MRPL13: variants seen among roughly 807,000 people sequenced by gnomAD.
MRPL13 encodes the protein large ribosomal subunit protein uL13m.
MRPL13 carries 33 observed loss-of-function variants against 29.0 expected under a neutral mutation model. The observed-to-expected ratio is 1.14, with a 90% CI of 0.86 to 1.52. The LOEUF (loss-of-function observed/expected upper bound fraction) is 1.52, where lower values mean the gene tolerates loss of function less well. MRPL13 is among the 40% of genes most tolerant of loss of function. The probability of loss-of-function intolerance (pLI) is 0.00; values close to 1 mark genes in which losing one functional copy is unlikely to be tolerated. For missense variants in MRPL13, 227 were observed against 216.7 expected, an observed-to-expected ratio of 1.05 and a Z score of -0.30; for synonymous variants, 77 against 68.4, an observed-to-expected ratio of 1.13 and a Z score of -0.62.
intron 2 of MRPL13, among the ~76,000 whole-genome samples, chr8:120,435,809 T>C (rs555615820): frequency 7.1e-4 from 108 of 152,318 alleles, no homozygotes; most frequent in African/African-American, 2.4e-3. Context: ...GACCTTTTAA[T>C]GATAGCCATT....
At chr8:120,424,434 C>T (rs974779937) in intron 4 of MRPL13, among the ~76,000 whole-genome samples, 20 of 152,078 alleles carry the variant, frequency 1.3e-4, no homozygotes, top group African/African-American at 4.3e-4. Flanking sequence ...CCAGCCTGGG[C>T]AACATAGCAA....
At chr8:120,436,588 A>C (rs1813057824) in intron 2 of MRPL13, among the ~76,000 whole-genome samples, 2 of 152,060 alleles carry the variant, frequency 1.3e-5, no homozygotes, top group Non-Finnish European at 2.9e-5. Context: ...ATTTTCTTCC[A>C]GTCTGTAGCT....
At chr8:120,409,550 A>AT (rs1334733635) in intron 6 of MRPL13, among the ~76,000 whole-genome samples, 2 of 152,146 alleles carry the variant, frequency 1.3e-5, no homozygotes, top group African/African-American at 4.8e-5. Context: ...AGATAGTGCT[A>AT]TTTTTTTCCT....
chr8:120,413,960 A>G (rs750970501), intron 6 of MRPL13, 31 bp downstream of exon 6: 2 of 1,482,068 alleles, frequency 1.3e-6, no homozygotes, highest in Non-Finnish European at 1.8e-6. Context: ...ATATCAAAAG[A>G]AAAAAAAACA....
At chr8:120,402,121 G>A (rs910522439) in intron 6 of MRPL13, among the ~76,000 whole-genome samples, 2 of 152,148 alleles carry the variant, frequency 1.3e-5, no homozygotes, top group Non-Finnish European at 2.9e-5. Flanking sequence ...AGCTACCATT[G>A]ACATTCTTCA....
intron 5 of MRPL13, among the ~76,000 whole-genome samples, chr8:120,419,270 T>C (rs565153655): frequency 6.6e-6 from 1 of 151,936 alleles, no homozygotes; most frequent in Non-Finnish European, 1.5e-5. Context: ...TGATAAAATA[T>C]TATTTTATTA....
At chr8:120,438,545 T>G (rs543045124) in intron 2 of MRPL13, among the ~76,000 whole-genome samples, 1 of 152,210 alleles carries the variant, frequency 6.6e-6, no homozygotes, top group South Asian at 2.1e-4. Context: ...TATTTGGAGA[T>G]GGAAATTAGG....
chr8:120,432,739 G>A (rs1367141642), intron 2 of MRPL13, among the ~76,000 whole-genome samples: 1 of 151,990 alleles, frequency 6.6e-6, no homozygotes, highest in African/African-American at 2.4e-5. Context: ...CAGGACAGAT[G>A]ACCTGAAAAT....
intron 5 of MRPL13, chr8:120,415,137 T>C (rs1812789093): frequency 6.6e-6 from 1 of 152,176 alleles, no homozygotes; most frequent in Non-Finnish European, 1.5e-5. Flanking sequence ...ATTTATATTG[T>C]ACTCATGATG....
chr8:120,416,557 G>T (rs1021012123), intron 5 of MRPL13, among the ~76,000 whole-genome samples: 1 of 152,012 alleles, frequency 6.6e-6, no homozygotes, highest in Middle Eastern at 3.2e-3. Flanking sequence ...TTAACCTAAG[G>T]GGAAATGAGG....
intron 5 of MRPL13, among the ~76,000 whole-genome samples, chr8:120,419,197 C>T (rs573248098): frequency 2.0e-5 from 3 of 151,980 alleles, no homozygotes; most frequent in East Asian, 1.9e-4. Flanking sequence ...AGATAAGTAA[C>T]GAGCCCAAGT....
chr8:120,431,423 A>G (rs1487402249), intron 3 of MRPL13, among the ~76,000 whole-genome samples: 1 of 152,230 alleles, frequency 6.6e-6, no homozygotes, highest in Non-Finnish European at 1.5e-5. Context: ...TTACAACTAA[A>G]GCACACAGGA....
At chr8:120,397,567 T>C (rs1812539449) in intron 6 of MRPL13, among the ~76,000 whole-genome samples, 1 of 151,530 alleles carries the variant, frequency 6.6e-6, no homozygotes, top group Non-Finnish European at 1.5e-5. Flanking sequence ...CAAGGAGGAG[T>C]CGCCCACAAT....
intron 5 of MRPL13, among the ~76,000 whole-genome samples, chr8:120,418,173 T>C (rs995247527): frequency 6.6e-6 from 1 of 152,138 alleles, no homozygotes; most frequent in Non-Finnish European, 1.5e-5. Context: ...TTACCTTGTT[T>C]GTTTTCACTT....
chr8:120,437,152 T>G (rs1403874964), intron 2 of MRPL13, among the ~76,000 whole-genome samples: 2 of 152,208 alleles, frequency 1.3e-5, no homozygotes, highest in African/African-American at 4.8e-5. Context: ...ATGTACAATT[T>G]AGATTGCAAA....
At chr8:120,441,973 T>C (rs1312437494) in intron 2 of MRPL13, among the ~76,000 whole-genome samples, 4 of 152,186 alleles carry the variant, frequency 2.6e-5, no homozygotes, top group African/African-American at 9.7e-5. Context: ...CTTTGACCTT[T>C]TCTGATAGTT....
At chr8:120,399,847 T>A (rs185592010) in intron 6 of MRPL13, among the ~76,000 whole-genome samples, 1 of 152,138 alleles carries the variant, frequency 6.6e-6, no homozygotes, top group South Asian at 2.1e-4. Context: ...ACAATCCTAA[T>A]TTCTTACAAA....
In MRPL13 at chr8:120,395,972, C is replaced by T. The variant is rs1236100288; in HGVS notation, c.*132G>A. On this transcript the variant is annotated 3_prime_UTR_variant, in exon 7 of 7. Transcript: ENST00000306185. Reference sequence around the variant, plus strand: ...GAAGGACTATACCTTCCTGACCTTTCCCCACAGTGATTCGGCACATAAAAC... The same window carrying T: ...GAAGGACTATACCTTCCTGACCTTTTCCCACAGTGATTCGGCACATAAAAC... 1.4e-6 allele frequency: 1 copy of T among 696,294 alleles called. No individual in the cohort carries two copies. Among genetic ancestry groups the T allele is most frequent in the Non-Finnish European group, 2.4e-6 (1 of 412,596 alleles). The allele number at this position is 696,294 out of a possible 1,614,324, so 43.1% of individuals were successfully genotyped here. A position where few individuals can be genotyped will look rare whatever the true frequency, so the allele number is the denominator to read the frequency against.
chr8:120,398,080 G>T (rs1238045329), intron 6 of MRPL13, among the ~76,000 whole-genome samples: 1 of 152,210 alleles, frequency 6.6e-6, no homozygotes, highest in African/African-American at 2.4e-5. Context: ...GCTCTGGACA[G>T]TTGAAGCAGT....
Sources: gnomAD v4.1 joint callset for allele counts (sites outside exome capture counted in the v4.1 genomes callset) on GRCh38, gnomAD v4.1.1 for gene constraint, MANE v1.5 for transcripts, NCBI Gene and HGNC (gene_info 2026-07-23, HGNC 2026-07-21) for gene names.